The following KDM4C variants were observed in gnomAD, a reference collection of about 807,000 sequenced individuals.
The protein encoded by KDM4C is lysine-specific demethylase 4C.
KDM4C carries 81 observed loss-of-function variants against 129.3 expected under a neutral mutation model. That is an observed-to-expected ratio of 0.63 (90% CI 0.52 to 0.75). The LOEUF is 0.75. Ranked by LOEUF, KDM4C falls within the 30% of genes least tolerant of loss-of-function variation. KDM4C has a pLI of 0.00. For synonymous variants in KDM4C, 573 were observed against 456.1 expected, an observed-to-expected ratio of 1.26 and a Z score of -3.26; for missense variants, 1,457 against 1,304.0, an observed-to-expected ratio of 1.12 and a Z score of -1.81.
intron 17 of KDM4C, among the ~76,000 whole-genome samples, chr9:7,100,396 A>G (rs1446108050): frequency 6.6e-6 from 1 of 151,966 alleles, no homozygotes; most frequent in Non-Finnish European, 1.5e-5. Flanking sequence ...CTGGAGTGCA[A>G]TGCCGTGATT....
intron 17 of KDM4C, among the ~76,000 whole-genome samples, chr9:7,064,300 TA>T (rs1323213038): frequency 6.6e-6 from 1 of 152,200 alleles, no homozygotes; most frequent in Non-Finnish European, 1.5e-5. Context: ...ATTTTAGATT[TA>T]TAAGATTAAA....
In KDM4C at chr9:7,170,421, C is replaced by G. The variant is rs531999173; in HGVS notation, c.2994+531C>G. 4.0e-6 allele frequency: 4 copies of G among 989,250 alleles called. No homozygotes were observed. In the East Asian group the frequency reaches 4.5e-4, roughly 110 times the overall value. The allele number at this position is 989,250 out of a possible 1,614,324, so 61.3% of individuals were successfully genotyped here. ...AAAAGGGATAAACAAAGCCTAAATG[C>G]TAGTTGTGGGAATACTAAAGCAGTT... On this transcript the variant is annotated intron_variant, in intron 21 of 21. Coordinates refer to ENST00000381309, the MANE Select transcript of KDM4C (RefSeq NM_015061.6).
intron 8 of KDM4C, among the ~76,000 whole-genome samples, chr9:6,960,613 C>G (rs1829873769): frequency 6.6e-6 from 1 of 152,156 alleles, no homozygotes; most frequent in Non-Finnish European, 1.5e-5. Flanking sequence ...AAAGGAAGTT[C>G]TTTAAAGAGT....
intron 1 of KDM4C, among the ~76,000 whole-genome samples, chr9:6,752,031 G>T (rs1588067509): frequency 6.6e-6 from 1 of 152,000 alleles, no homozygotes; most frequent in East Asian, 1.9e-4. Flanking sequence ...TCACATTCCT[G>T]AGTTAAAAAT....
chr9:6,876,956 A>G (rs192836410), intron 5 of KDM4C, among the ~76,000 whole-genome samples: 161 of 152,298 alleles, frequency 1.1e-3, no homozygotes, highest in African/African-American at 3.3e-3. Context: ...AGTCAGGACC[A>G]AGCAGAGGTT....
At chr9:7,052,250 C>T (rs1010716291) in intron 17 of KDM4C, among the ~76,000 whole-genome samples, 19 of 152,098 alleles carry the variant, frequency 1.2e-4, no homozygotes, top group African/African-American at 4.6e-4. Context: ...ATTATATAAT[C>T]TCATTTAACA....
chr9:7,139,108 C>T (rs1841497340), intron 19 of KDM4C, among the ~76,000 whole-genome samples: 1 of 151,736 alleles, frequency 6.6e-6, no homozygotes, highest in Non-Finnish European at 1.5e-5. Context: ...CCCATCTCTA[C>T]AAAAAAATTT....
rs1293879177 is a variant in KDM4C at position 6,729,612 on chromosome 9, A to C, written c.49+8615A>C. 1.5e-5 allele frequency among the ~76,000 whole-genome samples: 2 copies of C among 134,550 alleles called. 1 individual carries two copies. Among genetic ancestry groups the C allele is most frequent in the Non-Finnish European group, 3.1e-5 (2 of 65,558 alleles). The allele number at this position is 134,550 out of a possible 152,430, so 88.3% of individuals were successfully genotyped here. A position where few individuals can be genotyped will look rare whatever the true frequency, so the allele number is the denominator to read the frequency against. ...ATGTCTTGCCTATTGGAGCCTCTGG[A>C]AAAAAGGAAATAACATTAAAAAGGA... On this transcript the variant is annotated intron_variant, in intron 1 of 17. Transcript: ENST00000536108.
At chr9:7,076,245 T>G (rs1472293579) in intron 17 of KDM4C, among the ~76,000 whole-genome samples, 1 of 152,168 alleles carries the variant, frequency 6.6e-6, no homozygotes, top group African/African-American at 2.4e-5. Flanking sequence ...TTTCAAACCA[T>G]TTTTACTGGA....
intron 19 of KDM4C, among the ~76,000 whole-genome samples, chr9:7,159,746 T>C (rs992870670): frequency 2.0e-5 from 3 of 152,232 alleles, no homozygotes; most frequent in African/African-American, 7.2e-5. Flanking sequence ...CCTATCTTTC[T>C]CTTGGCTGCC....
chr9:6,916,240 G>T (rs907826361), intron 8 of KDM4C, among the ~76,000 whole-genome samples: 19 of 43,432 alleles, frequency 4.4e-4, no homozygotes, highest in Non-Finnish European at 7.8e-4. Flanking sequence ...AGAGTTATCC[G>T]GACCTTTTTT....
At chr9:6,812,967 G>C (rs1247130297) in intron 3 of KDM4C, among the ~76,000 whole-genome samples, 1 of 152,114 alleles carries the variant, frequency 6.6e-6, no homozygotes, top group Non-Finnish European at 1.5e-5. Flanking sequence ...CCTGAGGTCG[G>C]GAGTTCGAGA....
At chr9:6,761,561 C>T (rs182609280) in intron 1 of KDM4C, among the ~76,000 whole-genome samples, 3 of 152,214 alleles carry the variant, frequency 2.0e-5, no homozygotes, top group Admixed American at 6.5e-5. Flanking sequence ...CTCAAGCAGT[C>T]CGCTTGCCCC....
intron 3 of KDM4C, among the ~76,000 whole-genome samples, chr9:6,808,113 GT>G (rs1231111788): frequency 1.8e-3 from 89 of 49,118 alleles, no homozygotes; most frequent in East Asian, 2.5e-3. Context: ...CGTCCGGGAG[GT>G]GAGGGGCGCC....
At chr9:6,786,570 G>T (rs2130814708) in intron 1 of KDM4C, among the ~76,000 whole-genome samples, 1 of 152,250 alleles carries the variant, frequency 6.6e-6, no homozygotes, top group African/African-American at 2.4e-5. Flanking sequence ...AATCATAGTG[G>T]TGCTTGTTTT....
chr9:7,001,983 C>G, intron 12 of KDM4C, among the ~76,000 whole-genome samples: 1 of 152,142 alleles, frequency 6.6e-6, no homozygotes, highest in East Asian at 1.9e-4. Flanking sequence ...GCATCCGCCT[C>G]CTGGGTTCAA....
At chr9:6,835,596 G>A (rs895750890) in intron 4 of KDM4C, 15 of 891,636 alleles carry the variant, frequency 1.7e-5, no homozygotes, top group South Asian at 2.6e-5. Context: ...TGACTTAGTT[G>A]TGTTACACCC....
At chr9:7,061,414 G>T (rs1831648745) in intron 17 of KDM4C, among the ~76,000 whole-genome samples, 1 of 152,140 alleles carries the variant, frequency 6.6e-6, no homozygotes, top group African/African-American at 2.4e-5. Flanking sequence ...CTTCCATGAG[G>T]CTGTCCTTGG....
intron 21 of KDM4C, among the ~76,000 whole-genome samples, chr9:7,172,821 C>G (rs1845096885): frequency 6.6e-6 from 1 of 152,194 alleles, no homozygotes; most frequent in Admixed American, 6.5e-5. Context: ...TCTGCCTCTG[C>G]CAGCAGCCAG....
Sources: gnomAD v4.1 joint callset for allele counts (sites outside exome capture counted in the v4.1 genomes callset) on GRCh38, gnomAD v4.1.1 for gene constraint, MANE v1.5 for transcripts, NCBI Gene and HGNC (gene_info 2026-07-23, HGNC 2026-07-21) for gene names.